Variants in SCAMP2 observed in about 807,000 individuals in gnomAD.
SCAMP2 encodes the protein secretory carrier-associated membrane protein 2.
Under a neutral mutation model 44.1 loss-of-function variants are expected in SCAMP2, and 25 were observed. The ratio of observed to expected loss-of-function variants is 0.57; its 90% CI spans 0.41 to 0.79. The LOEUF is 0.79. Among genes scored for constraint, SCAMP2 ranks in the 30% least tolerant of loss-of-function variants. The pLI is 0.00. For missense variants in SCAMP2, 355 were observed against 411.0 expected (o/e 0.86, Z 1.18); for synonymous variants, 156 against 166.0 (o/e 0.94, Z 0.46).
intron 5 of SCAMP2, 86 bp downstream of exon 5, chr15:74,851,267 C>T: frequency 8.1e-6 from 12 of 1,484,766 alleles, no homozygotes; most frequent in Non-Finnish European, 1.1e-5. Flanking sequence ...AGCCTGTATA[C>T]CAGGGAGGAG....
chr15:74,864,403 G>C (rs1325494505), intron 1 of SCAMP2, among the ~76,000 whole-genome samples: 1 of 152,192 alleles, frequency 6.6e-6, no homozygotes. Flanking sequence ...GAAGAGAGAA[G>C]GTTATGGAGG....
intron 1 of SCAMP2, among the ~76,000 whole-genome samples, chr15:74,860,037 G>C (rs181854328): frequency 5.9e-5 from 9 of 152,206 alleles, no homozygotes; most frequent in Admixed American, 5.2e-4. Flanking sequence ...GCTGAGGTGA[G>C]AGGGTTGCTT....
At chr15:74,853,921 G>T in intron 3 of SCAMP2, 100 bp downstream of exon 3, 1 of 1,103,720 alleles carries the variant, frequency 9.1e-7, no homozygotes, top group Non-Finnish European at 1.4e-6. Context: ...GGGGGCCAAG[G>T]CTGAAAGCTC....
chr15:74,861,130 G>A (rs1265895573), intron 1 of SCAMP2, among the ~76,000 whole-genome samples: 4 of 152,090 alleles, frequency 2.6e-5, no homozygotes, highest in African/African-American at 9.7e-5. Context: ...AGCCAAGATC[G>A]TGCCACTGCA....
chr15:74,848,532 A>G (rs1398042775), intron 7 of SCAMP2, 68 bp downstream of exon 7: 1 of 1,061,280 alleles, frequency 9.4e-7, no homozygotes, highest in African/African-American at 1.6e-5. Context: ...TGGGAGCTAG[A>G]AAACAGGGCA....
At chr15:74,872,758 C>G (rs1410862514) in intron 1 of SCAMP2, among the ~76,000 whole-genome samples, 1 of 152,142 alleles carries the variant, frequency 6.6e-6, no homozygotes. Flanking sequence ...GGGCTTTTCC[C>G]ACATTTTTCC....
chr15:74,855,164 C>G (rs914711029), intron 1 of SCAMP2, among the ~76,000 whole-genome samples: 1 of 151,870 alleles, frequency 6.6e-6, no homozygotes, highest in African/African-American at 2.4e-5. Context: ...AGTGCAGTGG[C>G]GCAATCTTGG....
rs569317161 is a variant in SCAMP2 at position 74,850,621 on chromosome 15, C to T, written c.525G>A (p.Ser175=). ...LNLLACLAWF[S]GNSSKGVDFG... Reference sequence around the variant, plus strand: ...AGTCCACTCCCTTGGAGCTGTTGCCCGAGAACCAGGCCAGGCAGGCAAGCA... The same window carrying T: ...AGTCCACTCCCTTGGAGCTGTTGCCTGAGAACCAGGCCAGGCAGGCAAGCA... Residue 175 remains serine, a synonymous_variant, in exon 6 of 9, where the codon TCG becomes TCA. Coordinates refer to ENST00000268099, the MANE Select transcript of SCAMP2 (RefSeq NM_005697.5). The T allele has an allele frequency of 9.3e-6, 15 of 1,614,086 alleles. 2 individuals are homozygous for T. The highest frequency in any genetic ancestry group is 5.3e-5 in the African/African-American group (4 of 75,002).
At chr15:74,852,031 C>T in intron 4 of SCAMP2, 38 bp downstream of exon 4, 1 of 1,437,374 alleles carries the variant, frequency 7.0e-7, no homozygotes, top group Non-Finnish European at 9.4e-7. Flanking sequence ...TCTTCTATGC[C>T]AGGCAGGGCA....
intron 1 of SCAMP2, among the ~76,000 whole-genome samples, chr15:74,864,591 T>C (rs2064530215): frequency 6.6e-6 from 1 of 151,926 alleles, no homozygotes; most frequent in African/African-American, 2.4e-5. Flanking sequence ...AACAGCATGG[T>C]AGGACAACAG....
rs554333984 is a variant in SCAMP2 at position 74,854,837 on chromosome 15, C to T, written c.58-188G>A. 3.0e-3 allele frequency among the ~76,000 whole-genome samples: 451 copies of T among 152,322 alleles called. 5 individuals carry two copies. The highest frequency in any genetic ancestry group is 4.9e-3 in the Non-Finnish European group (336 of 68,030). On this transcript the variant is annotated intron_variant, in intron 1 of 8. Coordinates refer to ENST00000268099, the MANE Select transcript of SCAMP2 (RefSeq NM_005697.5). ...AGCTGCGGTCCCTTCTCCCTTCCCC[C>T]TTCCTGGAAAAGGTTCAGCCCAGAA...
chr15:74,845,414 G>A (rs2141169539), intron 8 of SCAMP2, 59 bp downstream of exon 8: 1 of 1,612,668 alleles, frequency 6.2e-7, no homozygotes, highest in Non-Finnish European at 8.5e-7. Context: ...TCGTGGCAAG[G>A]GCAGGAAACG....
chr15:74,845,356 T>A, intron 8 of SCAMP2, 117 bp downstream of exon 8: 1 of 1,585,134 alleles, frequency 6.3e-7, no homozygotes, highest in Non-Finnish European at 8.6e-7. Flanking sequence ...AGAAAGGTAC[T>A]GGACCTTTGG....
At position 74,860,658 on chromosome 15, in the gene SCAMP2, G is replaced by A. The variant is rs180691852; in HGVS notation, c.58-6009C>T. Among the ~76,000 whole-genome samples the A allele has an allele frequency of 2.9e-5, 4 of 137,526 alleles. No individual in the cohort carries two copies. The East Asian group carries it at 8.6e-4, about 30-fold the overall frequency. The allele number at this position is 137,526 out of a possible 152,430, so 90.2% of individuals were successfully genotyped here. A position where few individuals can be genotyped will look rare whatever the true frequency, so the allele number is the denominator to read the frequency against. On this transcript the variant is annotated intron_variant, in intron 1 of 8. Transcript: ENST00000268099. Reference sequence around the variant, plus strand: ...GCCAAGATTGTGCCATTGCCCTCCAGCCTGGGATACAGAGGAAGACTCCAT... The same window carrying A: ...GCCAAGATTGTGCCATTGCCCTCCAACCTGGGATACAGAGGAAGACTCCAT...
intron 1 of SCAMP2, among the ~76,000 whole-genome samples, chr15:74,861,693 T>C (rs1417784673): frequency 6.6e-6 from 1 of 151,516 alleles, no homozygotes; most frequent in African/African-American, 2.4e-5. Flanking sequence ...GGTCAGGAGA[T>C]CGAGACCATC....
chr15:74,846,957 C>T (rs1426887906), intron 7 of SCAMP2, among the ~76,000 whole-genome samples: 2 of 151,992 alleles, frequency 1.3e-5, no homozygotes, highest in Non-Finnish European at 2.9e-5. Flanking sequence ...TTCTTGACAT[C>T]AAAACTTACT....
chr15:74,856,058 C>T (rs947205866), intron 1 of SCAMP2, among the ~76,000 whole-genome samples: 2 of 152,012 alleles, frequency 1.3e-5, no homozygotes, highest in African/African-American at 4.8e-5. Context: ...TTCCTAGTAA[C>T]AGATGCAGGG....
Position 74,863,698 on chromosome 15 carries a change from C to T in SCAMP2, c.58-9049G>A, listed in dbSNP as rs191958548. ...CAAAATGGGACACTTACTATCTCCT[C>T]GCACCTCTGTGTAGTCTCTCCATAC... On this transcript the variant is annotated intron_variant, in intron 1 of 8. Coordinates refer to ENST00000268099, the MANE Select transcript of SCAMP2 (RefSeq NM_005697.5). Among the ~76,000 whole-genome samples the T allele has an allele frequency of 5.2e-3, 792 of 152,280 alleles. 10 individuals carry two copies. The highest frequency in any genetic ancestry group is 0.019 in the African/African-American group (769 of 41,552).
At chr15:74,867,037 C>T (rs898422021) in intron 1 of SCAMP2, among the ~76,000 whole-genome samples, 8 of 152,128 alleles carry the variant, frequency 5.3e-5, no homozygotes, top group Admixed American at 4.6e-4. Context: ...CCTTGTGATC[C>T]GCCCGCCTTG....
Sources: allele counts gnomAD v4.1 joint callset (sites outside exome capture counted in the v4.1 genomes callset), GRCh38; gene constraint gnomAD v4.1.1; transcripts MANE v1.5; gene names NCBI Gene and HGNC (gene_info 2026-07-23, HGNC 2026-07-21).